The following RTTN variants were observed in gnomAD, a reference collection of about 807,000 sequenced individuals.
RTTN encodes rotatin.
RTTN carries 182 observed loss-of-function variants against 269.2 expected under a neutral mutation model. That is an observed-to-expected ratio of 0.68 (90% CI 0.60 to 0.76). RTTN has a LOEUF of 0.76. Ranked by LOEUF, RTTN falls within the 30% of genes least tolerant of loss-of-function variation. The pLI is 0.00. For missense variants in RTTN, 2,545 were observed against 2,608.6 expected, an observed-to-expected ratio of 0.98 and a Z score of 0.53; for synonymous variants, 1,006 against 963.5, an observed-to-expected ratio of 1.04 and a Z score of -0.82.
intron 48 of RTTN, among the ~76,000 whole-genome samples, chr18:70,004,923 A>G (rs1276746421): frequency 6.6e-6 from 1 of 152,228 alleles, no homozygotes; most frequent in Non-Finnish European, 1.5e-5. Context: ...TCTTATCACT[A>G]AGAACATACT....
At chr18:70,190,281 A>T (rs1227846566) in intron 9 of RTTN, among the ~76,000 whole-genome samples, 1 of 149,644 alleles carries the variant, frequency 6.7e-6, no homozygotes, top group East Asian at 1.9e-4. Flanking sequence ...TAAAAATTCT[A>T]AAAAAAAAAT....
chr18:70,056,157 A>C (rs962876368), intron 37 of RTTN, among the ~76,000 whole-genome samples: 2 of 152,250 alleles, frequency 1.3e-5, no homozygotes, highest in Non-Finnish European at 2.9e-5. Context: ...GCTTTGTTCA[A>C]GGATATATCA....
At chr18:70,042,629 G>C (rs1037660536) in intron 40 of RTTN, among the ~76,000 whole-genome samples, 11 of 152,062 alleles carry the variant, frequency 7.2e-5, no homozygotes, top group Non-Finnish European at 1.2e-4. Flanking sequence ...GCCCGCCTCA[G>C]CCTCCCAACG....
In RTTN at chr18:70,048,081, G is replaced by C. The variant is rs770328803; in HGVS notation, c.5431C>G (p.Gln1811Glu). 2 of 1,614,004 alleles carry C rather than the reference G, an allele frequency of 1.2e-6. No individual in the cohort carries two copies. The highest frequency in any genetic ancestry group is 2.7e-5 in the African/African-American group (2 of 74,948). The change falls in exon 40 of 49, where the codon CAG (glutamine) becomes GAG (glutamate). Residue 1811 changes from glutamine (Q) to glutamate (E), a missense_variant. Transcript: ENST00000640769. ...LLTEEAKGHL[Q>E]AKSKTHLCCS... is the part of the protein sequence containing the mutation. ...CATAAATGTGTTTTGCTCTTAGCCT[G>C]GAGATGCCCTTTTGCTTCTTCGGTC...
At position 70,005,232 on chromosome 18, in the gene RTTN, T is replaced by G; in HGVS notation, c.6561A>C (p.Arg2187Ser). 6.2e-7 allele frequency: 1 copy of G among 1,612,936 alleles called. No homozygotes were observed. Among genetic ancestry groups the G allele is most frequent in the Non-Finnish European group, 8.5e-7 (1 of 1,179,352 alleles). ...KTALKSPSVK[R>S]RVDEAYSLAK... ...CTAAGGAGTATGCTTCATCCACTCTTCTTTTTACTGATGGGCTTTTCAAAG... is the reference window on the plus strand; with the variant it reads ...CTAAGGAGTATGCTTCATCCACTCTGCTTTTTACTGATGGGCTTTTCAAAG... Residue 2187 changes from arginine (R) to serine (S), a missense_variant, in exon 48 of 49, where the codon AGA (arginine) becomes AGC (serine). Arg to Ser is a moderately radical substitution (Grantham distance 110, BLOSUM62 -1). Transcript: ENST00000640769.
chr18:70,166,240 C>G, intron 13 of RTTN, 52 bp from the exon 14 acceptor site: 1 of 1,576,300 alleles, frequency 6.3e-7, no homozygotes, highest in South Asian at 1.1e-5. Flanking sequence ...AGTTAGTAAG[C>G]AAAAGACTGC....
intron 17 of RTTN, among the ~76,000 whole-genome samples, chr18:70,147,995 A>G (rs1599772567): frequency 1.3e-5 from 2 of 152,098 alleles, no homozygotes; most frequent in South Asian, 4.1e-4. Flanking sequence ...CACCCATAAC[A>G]TTACTCTCTA....
At chr18:70,055,638 C>A (rs562452200) in intron 37 of RTTN, among the ~76,000 whole-genome samples, 2 of 152,084 alleles carry the variant, frequency 1.3e-5, no homozygotes, top group East Asian at 3.8e-4. Flanking sequence ...GAAATTATAG[C>A]AAGTCTGACC....
chr18:70,059,324 A>G (rs909793941), intron 36 of RTTN, among the ~76,000 whole-genome samples: 1 of 152,248 alleles, frequency 6.6e-6, no homozygotes, highest in South Asian at 2.1e-4. Flanking sequence ...TATGTTACAG[A>G]CTGATTAATA....
At chr18:70,087,196 T>C (rs1016101045) in intron 31 of RTTN, among the ~76,000 whole-genome samples, 2 of 152,050 alleles carry the variant, frequency 1.3e-5, no homozygotes, top group African/African-American at 4.8e-5. Context: ...GATGATCAAA[T>C]TAAATAATCA....
intron 28 of RTTN, among the ~76,000 whole-genome samples, chr18:70,099,925 G>A (rs2059112926): frequency 6.6e-6 from 1 of 152,166 alleles, no homozygotes; most frequent in Middle Eastern, 3.2e-3. Context: ...GCTCTGTTCT[G>A]TTCCATTGGT....
chr18:70,031,653 C>G lies in RTTN; in HGVS notation c.5542-672G>C, dbSNP rs371447888. Reference sequence around the variant, plus strand: ...ACAAAAGCAGACACAATAACAGATTCCATACATTTTTATTAAAAATCAAAA... The same window carrying G: ...ACAAAAGCAGACACAATAACAGATTGCATACATTTTTATTAAAAATCAAAA... On this transcript the variant is annotated intron_variant, in intron 40 of 48. Transcript: ENST00000640769. 8.6e-5 allele frequency among the ~76,000 whole-genome samples: 13 copies of G among 151,650 alleles called. No individual in the cohort carries two copies. In the East Asian group the frequency reaches 1.9e-3, roughly 23 times the overall value.
At chr18:70,015,588 T>C (rs528000863) in intron 46 of RTTN, among the ~76,000 whole-genome samples, 1 of 152,274 alleles carries the variant, frequency 6.6e-6, no homozygotes, top group Admixed American at 6.5e-5. Context: ...TGATGTCTCT[T>C]ATCTTACCCC....
chr18:70,009,255 C>T (rs1356244556), intron 46 of RTTN, among the ~76,000 whole-genome samples: 5 of 152,096 alleles, frequency 3.3e-5, no homozygotes, highest in Admixed American at 1.3e-4. Flanking sequence ...TCTGTCTCGG[C>T]CTCCTGAGTA....
At chr18:70,072,586 T>C (rs2058324982) in intron 34 of RTTN, among the ~76,000 whole-genome samples, 1 of 152,120 alleles carries the variant, frequency 6.6e-6, no homozygotes, top group Non-Finnish European at 1.5e-5. Context: ...AGGATAAATA[T>C]GACTTCAGTG....
chr18:70,010,358 G>C (rs1445131491), intron 46 of RTTN, among the ~76,000 whole-genome samples: 1 of 152,140 alleles, frequency 6.6e-6, no homozygotes, highest in African/African-American at 2.4e-5. Flanking sequence ...CTCAGCAAAT[G>C]CCAAAGACCT....
intron 37 of RTTN, 48 bp from the exon 38 acceptor site, chr18:70,054,332 C>T (rs1434508933): frequency 2.0e-6 from 3 of 1,531,024 alleles, no homozygotes; most frequent in Non-Finnish European, 2.6e-6. Flanking sequence ...ATATAAAAAG[C>T]CCATCTCAGT....
At chr18:70,011,585 A>G (rs145661427) in intron 46 of RTTN, among the ~76,000 whole-genome samples, 2 of 152,358 alleles carry the variant, frequency 1.3e-5, no homozygotes, top group African/African-American at 4.8e-5. Flanking sequence ...GATGCAACAT[A>G]TCTCAAAATA....
chr18:70,143,516 G>A (rs995711403), intron 18 of RTTN, among the ~76,000 whole-genome samples: 2 of 152,082 alleles, frequency 1.3e-5, no homozygotes, highest in South Asian at 4.1e-4. Flanking sequence ...AATACTGCAT[G>A]TTCTCACTTA....
Sources: allele counts gnomAD v4.1 joint callset (sites outside exome capture counted in the v4.1 genomes callset), GRCh38; gene constraint gnomAD v4.1.1; transcripts MANE v1.5; gene names NCBI Gene and HGNC (gene_info 2026-07-23, HGNC 2026-07-21).